The following DPP10 variants were observed in gnomAD, a reference collection of about 807,000 sequenced individuals.
The protein encoded by DPP10 is dipeptidyl peptidase like 10.
Under a neutral mutation model 120.9 loss-of-function variants are expected in DPP10, and 33 were observed. The ratio of observed to expected loss-of-function variants is 0.27; its 90% CI spans 0.21 to 0.37. The LOEUF (loss-of-function observed/expected upper bound fraction) is 0.37. Ranked by LOEUF, DPP10 falls within the 10% of genes least tolerant of loss-of-function variation. DPP10 has a pLI of 1.00. For missense variants in DPP10, 816 were observed against 942.8 expected, an observed-to-expected ratio of 0.87 and a Z score of 1.76; for synonymous variants, 337 against 326.1, an observed-to-expected ratio of 1.03 and a Z score of -0.36.
intron 12 of DPP10, among the ~76,000 whole-genome samples, chr2:115,766,320 ATATATG>A (rs374960633): frequency 0.03 from 2,428 of 81,400 alleles, 67 homozygotes; most frequent in African/African-American, 0.07. Context: ...GTATATATAT[ATATATG>A]TATATATATA....
At chr2:114,749,668 C>T (rs1270392860) in intron 1 of DPP10, among the ~76,000 whole-genome samples, 1 of 151,210 alleles carries the variant, frequency 6.6e-6, no homozygotes, top group Non-Finnish European at 1.5e-5. Context: ...TTCACTGCAA[C>T]CTCTGCCTCC....
chr2:115,155,404 G>A (rs570535393), intron 1 of DPP10, among the ~76,000 whole-genome samples: 167 of 151,906 alleles, frequency 1.1e-3, no homozygotes, highest in Middle Eastern at 3.4e-3. Context: ...GAAAGGTCAG[G>A]GGACCCCTGA....
chr2:115,521,573 T>C lies in DPP10; in HGVS notation c.367-4325T>C, dbSNP rs536204954. ...AAAACCTGGAGTTATTCTGTATACT[T>C]TCTTCTTTCTCCATCTTCAAATCTA... On this transcript the variant is annotated intron_variant, in intron 4 of 25. Coordinates refer to ENST00000410059, the MANE Select transcript of DPP10 (RefSeq NM_020868.6). Among the ~76,000 whole-genome samples, 72 of 152,120 alleles carry C rather than the reference T, an allele frequency of 4.7e-4. 1 individual carries two copies. Among genetic ancestry groups the C allele is most frequent in the Non-Finnish European group, 7.9e-4 (54 of 68,006 alleles).
At chr2:114,645,252 A>G (rs1251509689) in intron 1 of DPP10, among the ~76,000 whole-genome samples, 1 of 152,118 alleles carries the variant, frequency 6.6e-6, no homozygotes, top group Non-Finnish European at 1.5e-5. Context: ...TTCTCTATAT[A>G]GTATATTTCT....
At chr2:115,106,780 A>T (rs191630241) in intron 1 of DPP10, among the ~76,000 whole-genome samples, 20 of 152,052 alleles carry the variant, frequency 1.3e-4, no homozygotes, top group African/African-American at 4.8e-4. Flanking sequence ...CTCTCTTAAA[A>T]CGTTCTTAAA....
chr2:114,902,154 C>G (rs1693626536), intron 1 of DPP10, among the ~76,000 whole-genome samples: 1 of 152,182 alleles, frequency 6.6e-6, no homozygotes, highest in Admixed American at 6.6e-5. Flanking sequence ...TTTTCTGAGA[C>G]TTTTTGATGG....
intron 1 of DPP10, among the ~76,000 whole-genome samples, chr2:115,023,365 C>T (rs1703215102): frequency 6.6e-6 from 1 of 151,932 alleles, no homozygotes; most frequent in Non-Finnish European, 1.5e-5. Flanking sequence ...AAAAGATATA[C>T]AAATGGCCGA....
intron 7 of DPP10, among the ~76,000 whole-genome samples, chr2:115,698,715 C>A (rs1575553496): frequency 6.6e-6 from 1 of 152,158 alleles, no homozygotes; most frequent in East Asian, 1.9e-4. Context: ...ATGTTGGAAC[C>A]CTGATCTTGG....
intron 1 of DPP10, among the ~76,000 whole-genome samples, chr2:114,809,475 G>A (rs1306212908): frequency 6.6e-6 from 1 of 152,334 alleles, no homozygotes; most frequent in Non-Finnish European, 1.5e-5. Context: ...AGTAGTCGAT[G>A]CTGGAAAACT....
chr2:115,446,446 A>G (rs1339600969), intron 3 of DPP10, among the ~76,000 whole-genome samples: 2 of 152,172 alleles, frequency 1.3e-5, no homozygotes, highest in Non-Finnish European at 2.9e-5. Flanking sequence ...GAAAGAAGAA[A>G]GAAACATGAA....
chr2:114,690,349 C>T (rs926758185), intron 1 of DPP10, among the ~76,000 whole-genome samples: 1 of 151,996 alleles, frequency 6.6e-6, no homozygotes, highest in Non-Finnish European at 1.5e-5. Flanking sequence ...AGTCCTTTCC[C>T]CATTGCTTAT....
At chr2:115,258,367 A>G (rs1301308399) in intron 1 of DPP10, among the ~76,000 whole-genome samples, 2 of 152,124 alleles carry the variant, frequency 1.3e-5, no homozygotes, top group Non-Finnish European at 2.9e-5. Flanking sequence ...CCTATTTAAT[A>G]GATGATAAAG....
intron 7 of DPP10, among the ~76,000 whole-genome samples, chr2:115,696,497 A>C (rs1363963977): frequency 1.3e-5 from 2 of 152,194 alleles, no homozygotes; most frequent in African/African-American, 4.8e-5. Flanking sequence ...TTAACCAAAA[A>C]TTTCATGTCT....
chr2:115,143,099 T>C (rs967217512), intron 1 of DPP10, among the ~76,000 whole-genome samples: 3 of 152,214 alleles, frequency 2.0e-5, no homozygotes, highest in Non-Finnish European at 2.9e-5. Flanking sequence ...CTAAGCCTCA[T>C]TGATCTCCCA....
chr2:115,002,328 G>A (rs946067084), intron 1 of DPP10, among the ~76,000 whole-genome samples: 3 of 152,088 alleles, frequency 2.0e-5, no homozygotes, highest in Non-Finnish European at 4.4e-5. Context: ...ATACGGAGTG[G>A]TTTGAAAATG....
intron 1 of DPP10, among the ~76,000 whole-genome samples, chr2:115,155,416 G>A (rs983936407): frequency 6.6e-6 from 1 of 152,160 alleles, no homozygotes; most frequent in Non-Finnish European, 1.5e-5. Flanking sequence ...GACCCCTGAA[G>A]GGAAGAGGAC....
At chr2:115,359,198 G>T (rs1222521684) in intron 3 of DPP10, among the ~76,000 whole-genome samples, 7 of 152,140 alleles carry the variant, frequency 4.6e-5, no homozygotes, top group African/African-American at 1.7e-4. Context: ...TTGTTTTGTG[G>T]ACTCGATTGT....
chr2:115,805,287 G>A (rs1337796625), intron 19 of DPP10, among the ~76,000 whole-genome samples: 3 of 152,142 alleles, frequency 2.0e-5, no homozygotes, highest in Admixed American at 2.0e-4. Context: ...GAAAAGCAAA[G>A]TATTAGGGTG....
In DPP10 at chr2:115,402,854, A is replaced by AATATATATAT. The variant is rs757052503; in HGVS notation, c.271+58955_271+58964dup. On this transcript the variant is annotated intron_variant, in intron 3 of 25. Transcript: ENST00000410059. ...AGGACACTACAAGGAAAAAAAAAAA[A>AATATATATAT]ATATATATATATATATATATATGTG... Among the ~76,000 whole-genome samples the AATATATATAT allele has an allele frequency of 4.9e-3, 480 of 97,550 alleles. 2 individuals carry two copies. Among genetic ancestry groups the AATATATATAT allele is most frequent in the East Asian group, 0.016 (51 of 3,110 alleles). 64.0% of individuals were successfully genotyped at this position (97,550 alleles called of 152,430 possible).
Sources: allele counts gnomAD v4.1 joint callset (sites outside exome capture counted in the v4.1 genomes callset), GRCh38; gene constraint gnomAD v4.1.1; transcripts MANE v1.5; gene names NCBI Gene and HGNC (gene_info 2026-07-23, HGNC 2026-07-21).